The following GPR26 variants were observed in gnomAD, a reference collection of about 807,000 sequenced individuals.
The protein encoded by GPR26 is G protein-coupled receptor 26.
Under a neutral mutation model 23.1 loss-of-function variants are expected in GPR26, and 15 were observed. That is an observed-to-expected ratio of 0.65 (90% CI 0.43 to 1.00). The LOEUF (loss-of-function observed/expected upper bound fraction) is 1.00, where lower values mean the gene tolerates loss of function less well. Ranked by LOEUF, GPR26 falls within the 50% of genes least tolerant of loss-of-function variation. The pLI is 0.00. For synonymous variants in GPR26, 228 were observed against 222.1 expected (o/e 1.03, Z -0.24); for missense variants, 359 against 470.5 (o/e 0.76, Z 2.19).
intron 2 of GPR26, among the ~76,000 whole-genome samples, chr10:123,682,857 T>A (rs1419568059): frequency 1.3e-5 from 2 of 152,206 alleles, no homozygotes; most frequent in African/African-American, 4.8e-5. Flanking sequence ...AAGCATCAGC[T>A]CATTACTTCA....
intron 1 of GPR26, among the ~76,000 whole-genome samples, chr10:123,672,624 C>T (rs891790440): frequency 9.2e-5 from 14 of 152,216 alleles, no homozygotes; most frequent in African/African-American, 3.4e-4. Flanking sequence ...AGGAAGAGAA[C>T]TTCTGCAGTG....
chr10:123,678,922 C>T (rs1845338498), intron 2 of GPR26, among the ~76,000 whole-genome samples: 1 of 152,218 alleles, frequency 6.6e-6, no homozygotes, highest in African/African-American at 2.4e-5. Flanking sequence ...TTGAGAAACA[C>T]ACATTGCTTG....
intron 1 of GPR26, among the ~76,000 whole-genome samples, chr10:123,668,708 C>T (rs191462484): frequency 1.2e-4 from 19 of 152,298 alleles, no homozygotes; most frequent in South Asian, 4.1e-4. Flanking sequence ...GCATCCTTAG[C>T]GCTTGGGCTG....
chr10:123,673,588 A>G (rs1845274393), intron 1 of GPR26, among the ~76,000 whole-genome samples: 1 of 152,140 alleles, frequency 6.6e-6, no homozygotes, highest in Admixed American at 6.5e-5. Context: ...TCCATCCTCA[A>G]AGCTATGTCA....
intron 2 of GPR26, among the ~76,000 whole-genome samples, chr10:123,679,634 T>C (rs1845347054): frequency 7.8e-6 from 1 of 127,466 alleles, no homozygotes; most frequent in African/African-American, 3.0e-5. Flanking sequence ...GTTTGAATAA[T>C]TGCCCAGAGC....
intron 1 of GPR26, among the ~76,000 whole-genome samples, chr10:123,669,609 C>T (rs549398974): frequency 1.3e-5 from 2 of 152,352 alleles, no homozygotes; most frequent in South Asian, 2.1e-4. Context: ...TGTCAGCCTC[C>T]ACACTGATGG....
chr10:123,682,126 G>A (rs985844755), intron 2 of GPR26, among the ~76,000 whole-genome samples: 5 of 152,186 alleles, frequency 3.3e-5, no homozygotes, highest in African/African-American at 1.2e-4. Context: ...GTAGGGCCAC[G>A]CATAAGTACC....
Position 123,697,389 on chromosome 10 carries a change from C to A in GPR26, c.*9229C>A, listed in dbSNP as rs1274694756. ...TTGTGATTCTGTCCAATAAAGCCTC[C>A]TGTTATAAAATCTCTTGCACACTTT... On this transcript the variant is annotated 3_prime_UTR_variant, in exon 3 of 3. Transcript: ENST00000284674. Among the ~76,000 whole-genome samples the A allele has an allele frequency of 1.3e-5, 2 of 152,208 alleles. No homozygotes were observed. Among genetic ancestry groups the A allele is most frequent in the Non-Finnish European group, 2.9e-5 (2 of 68,034 alleles).
chr10:123,672,900 C>T (rs1475863849), intron 1 of GPR26, among the ~76,000 whole-genome samples: 1 of 152,188 alleles, frequency 6.6e-6, no homozygotes, highest in African/African-American at 2.4e-5. Flanking sequence ...CTTAACACTT[C>T]TGTAATTTAT....
intron 2 of GPR26, among the ~76,000 whole-genome samples, chr10:123,675,809 T>TGTGTAC (rs1845299837): frequency 8.6e-6 from 1 of 116,416 alleles, no homozygotes; most frequent in South Asian, 3.0e-4. Flanking sequence ...TGTGTGTGTG[T>TGTGTAC]GTGTGTGTAC....
At chr10:123,667,708 C>G (rs866968615) in intron 1 of GPR26, among the ~76,000 whole-genome samples, 33 of 152,036 alleles carry the variant, frequency 2.2e-4, no homozygotes, top group African/African-American at 7.5e-4. Context: ...GTCTGCCTGA[C>G]TTGGTGCCTA....
chr10:123,681,772 T>C (rs1219817), intron 2 of GPR26, among the ~76,000 whole-genome samples: 31,633 of 152,246 alleles, frequency 0.21, 4,106 homozygotes, highest in East Asian at 0.66. Context: ...CCAGTGTTCC[T>C]GTAGGTTCTC....
chr10:123,670,655 C>A (rs1232978451), intron 1 of GPR26, among the ~76,000 whole-genome samples: 2 of 152,192 alleles, frequency 1.3e-5, no homozygotes, highest in Admixed American at 1.3e-4. Flanking sequence ...CTAACCAGCA[C>A]CACGAGGGGC....
In GPR26 at chr10:123,690,158, A is replaced by T. The variant is rs1845476279; in HGVS notation, c.*1998A>T. On this transcript the variant is annotated 3_prime_UTR_variant, in exon 3 of 3. Coordinates refer to ENST00000284674, the MANE Select transcript of GPR26 (RefSeq NM_153442.4). ...CTTTGGCCACTCATATTACAATAGC[A>T]ACAGACATTTGCTTCCTGGTGGCAA... The T allele has an allele frequency of 6.6e-6, 1 of 152,126 alleles. No homozygotes were observed. Among genetic ancestry groups the T allele is most frequent in the African/African-American group, 2.4e-5 (1 of 41,406 alleles). 9.4% of individuals were successfully genotyped at this position (152,126 alleles called of 1,614,324 possible).
rs1315080311 is a variant in GPR26, at chr10:123,695,645, C to T, written c.*7485C>T. Among the ~76,000 whole-genome samples, 1 of 152,152 alleles carries T rather than the reference C, an allele frequency of 6.6e-6. No individual in the cohort carries two copies. Among genetic ancestry groups the T allele is most frequent in the African/African-American group, 2.4e-5 (1 of 41,424 alleles). ...CCTAAGGACCAGACCATAGTGACTG[C>T]TCATGCATCGGCTGAAATACCAAAC... On this transcript the variant is annotated 3_prime_UTR_variant, in exon 3 of 3. Transcript: ENST00000284674.
chr10:123,678,704 A>G (rs914235523), intron 2 of GPR26, among the ~76,000 whole-genome samples: 3 of 152,144 alleles, frequency 2.0e-5, no homozygotes, highest in Non-Finnish European at 4.4e-5. Flanking sequence ...GCACACCCTG[A>G]TGGGCTTCTG....
intron 1 of GPR26, 60 bp downstream of exon 1, chr10:123,667,135 A>G (rs1589921859): frequency 7.8e-7 from 1 of 1,275,688 alleles, no homozygotes. Context: ...CGGGAGTGGG[A>G]GGTCCCTAGC....
intron 1 of GPR26, among the ~76,000 whole-genome samples, chr10:123,668,857 C>CA (rs1177635743): frequency 6.6e-6 from 1 of 152,216 alleles, no homozygotes; most frequent in Non-Finnish European, 1.5e-5. Flanking sequence ...TAGAGCAGTA[C>CA]AAACTGCATT....
chr10:123,680,499 C>T (rs1845358097), intron 2 of GPR26, among the ~76,000 whole-genome samples: 1 of 152,176 alleles, frequency 6.6e-6, no homozygotes, highest in Admixed American at 6.5e-5. Flanking sequence ...CAGCCTGAGC[C>T]CATCTGCAGA....
Sources: allele counts gnomAD v4.1 joint callset (sites outside exome capture counted in the v4.1 genomes callset), GRCh38; gene constraint gnomAD v4.1.1; transcripts MANE v1.5; gene names NCBI Gene and HGNC (gene_info 2026-07-23, HGNC 2026-07-21).